The following PATJ variants were observed in gnomAD, a reference collection of about 807,000 sequenced individuals.
PATJ encodes the protein PATJ crumbs cell polarity complex component, also known as inaD-like protein.
Under a neutral mutation model 224.9 loss-of-function variants are expected in PATJ, and 190 were observed. That is an observed-to-expected ratio of 0.84 (90% confidence interval 0.75 to 0.95). The LOEUF is 0.95. PATJ is among the 40% of genes least tolerant of loss of function. PATJ has a pLI of 0.00. For synonymous variants in PATJ, 769 were observed against 820.3 expected, an observed-to-expected ratio of 0.94 and a Z score of 1.07; for missense variants, 2,121 against 2,270.3, an observed-to-expected ratio of 0.93 and a Z score of 1.34.
chr1:62,117,076 T>C, intron 36 of PATJ, 56 bp from the exon 37 acceptor site: 2 of 1,417,476 alleles, frequency 1.4e-6, no homozygotes, highest in Non-Finnish European at 9.9e-7. Flanking sequence ...TGTTAAGATA[T>C]TTCAGAATAT....
rs1663642407 is a variant in PATJ at position 61,856,246 on chromosome 1, G to A, written c.2322+7G>A. On this transcript the variant is annotated splice_region_variant and intron_variant, in intron 18 of 43. Transcript: ENST00000642238. ...CATCTGTAAGCCTTTGGTGGTAAGTGTTGTATTTTGTTAATATAGGAAGTG... is the reference window on the plus strand; with the variant it reads ...CATCTGTAAGCCTTTGGTGGTAAGTATTGTATTTTGTTAATATAGGAAGTG... 1.9e-6 allele frequency: 3 copies of A among 1,606,198 alleles called. No individual in the cohort carries two copies. In the East Asian group the frequency reaches 6.7e-5, roughly 36 times the overall value.
intron 27 of PATJ, among the ~76,000 whole-genome samples, chr1:61,988,138 G>T (rs1210466153): frequency 6.6e-6 from 1 of 152,148 alleles, no homozygotes; most frequent in Non-Finnish European, 1.5e-5. Flanking sequence ...GGTGGAGGTT[G>T]CCCTGACCCA....
chr1:62,064,048 G>A (rs747552488), intron 31 of PATJ, among the ~76,000 whole-genome samples: 6 of 152,186 alleles, frequency 3.9e-5, no homozygotes, highest in Non-Finnish European at 7.3e-5. Flanking sequence ...TTGAATAGGA[G>A]TGGTGAGAGT....
At chr1:61,997,318 C>T (rs533472110) in intron 28 of PATJ, among the ~76,000 whole-genome samples, 5 of 152,166 alleles carry the variant, frequency 3.3e-5, no homozygotes, top group African/African-American at 9.7e-5. Flanking sequence ...ATCTGCAACC[C>T]GGTTCACAAC....
rs533766556 is a variant in PATJ, at chr1:62,045,039, G to A, written c.4033-5927G>A. On this transcript the variant is annotated intron_variant, in intron 30 of 43. Transcript: ENST00000642238. The stretch of plus-strand genomic sequence containing the variant: ...TCAAGACCAGCCTGGCCAACATGGC[G>A]AAACCCCGTCTCTACTAAAAAAAAT... Among the ~76,000 whole-genome samples the A allele has an allele frequency of 4.7e-3, 722 of 152,140 alleles. 8 individuals carry two copies. Among genetic ancestry groups the A allele is most frequent in the African/African-American group, 0.017 (693 of 41,518 alleles).
intron 27 of PATJ, among the ~76,000 whole-genome samples, chr1:61,955,938 TTAC>T (rs1293172554): frequency 6.6e-6 from 1 of 152,232 alleles, no homozygotes; most frequent in Non-Finnish European, 1.5e-5. Context: ...ATAATTGGAA[TTAC>T]TCCAAAAAGC....
At chr1:62,129,254 G>T in intron 41 of PATJ, among the ~76,000 whole-genome samples, 1 of 152,162 alleles carries the variant, frequency 6.6e-6, no homozygotes. Flanking sequence ...AATAAGAAAT[G>T]ATTTCTTTTC....
intron 17 of PATJ, among the ~76,000 whole-genome samples, chr1:61,842,405 C>T (rs190814569): frequency 1.8e-4 from 27 of 152,262 alleles, no homozygotes; most frequent in Admixed American, 1.7e-3. Flanking sequence ...AAGAGAATAA[C>T]AGGCAAGCAG....
intron 27 of PATJ, among the ~76,000 whole-genome samples, chr1:61,979,437 G>A (rs926462241): frequency 1.3e-4 from 20 of 151,946 alleles, no homozygotes; most frequent in Admixed American, 9.2e-4. Context: ...GGCAGATCAC[G>A]AGGTCAGGAG....
chr1:61,906,572 T>G (rs1671889418), intron 24 of PATJ, among the ~76,000 whole-genome samples: 1 of 152,216 alleles, frequency 6.6e-6, no homozygotes, highest in Non-Finnish European at 1.5e-5. Flanking sequence ...CACACACATC[T>G]ATGTCCTCAG....
chr1:61,769,553 A>T, intron 5 of PATJ, 131 bp downstream of exon 5: 1 of 1,035,190 alleles, frequency 9.7e-7, no homozygotes, highest in Non-Finnish European at 1.4e-6. Flanking sequence ...CGTTTTTGCT[A>T]TGCATTTGTC....
In PATJ at chr1:61,856,103, G is replaced by T. The variant is rs1234496390; in HGVS notation, c.2186G>T (p.Gly729Val). Reference protein sequence around the residue: ...LVADGVAERSGGLLPGDRLVS... With the variant: ...LVADGVAERSVGLLPGDRLVS... ...GCAGATGGTGTAGCAGAAAGAAGTG[G>T]GGGACTATTACCTGGAGACCGCCTG... Residue 729 changes from glycine to valine, a missense_variant, in exon 18 of 44, where the codon GGG (glycine) becomes GTG (valine). Transcript: ENST00000642238. The T allele has an allele frequency of 6.2e-7, 1 of 1,613,938 alleles. No homozygotes were observed. The highest frequency in any genetic ancestry group is 8.5e-7 in the Non-Finnish European group (1 of 1,179,952).
Position 61,962,797 on chromosome 1 carries a change from T to C in PATJ, c.3671-27371T>C, listed in dbSNP as rs572297358. On this transcript the variant is annotated intron_variant, in intron 27 of 43. Transcript: ENST00000642238. ...GTCTGAGACCTGGGCTTCTTTCATATTGTTGCTTTCCTATGTGTGACCTCC... is the reference window on the plus strand; with the variant it reads ...GTCTGAGACCTGGGCTTCTTTCATACTGTTGCTTTCCTATGTGTGACCTCC... Among the ~76,000 whole-genome samples, 12 of 152,290 alleles carry C rather than the reference T, an allele frequency of 7.9e-5. No homozygotes were observed. The South Asian group carries it at 1.5e-3, about 18-fold the overall frequency.
chr1:62,018,404 G>T lies in PATJ; in HGVS notation c.3959+457G>T, dbSNP rs1646900635. 6.6e-6 allele frequency among the ~76,000 whole-genome samples: 1 copy of T among 152,204 alleles called. No individual in the cohort carries two copies. The highest frequency in any genetic ancestry group is 1.5e-5 in the Non-Finnish European group (1 of 68,030). The stretch of plus-strand genomic sequence containing the variant: ...AGTAGAGAAGATGTTCAGCACTGCT[G>T]CCTAGAGTTGTGTTGTGTGTTTGGG... On this transcript the variant is annotated intron_variant, in intron 29 of 43. Transcript: ENST00000642238. The surrounding 1 kb of genome is among the most constrained non-coding windows in gnomAD (Gnocchi z 4.2).
chr1:61,817,980 C>T (rs938966900), intron 14 of PATJ, among the ~76,000 whole-genome samples: 22 of 152,012 alleles, frequency 1.4e-4, no homozygotes, highest in Non-Finnish European at 1.9e-4. Context: ...TTGGAAAATC[C>T]TTCCCCATCC....
chr1:62,106,831 A>G (rs1325212100), intron 33 of PATJ, among the ~76,000 whole-genome samples: 1 of 152,054 alleles, frequency 6.6e-6, no homozygotes, highest in Non-Finnish European at 1.5e-5. Context: ...CTGGGGTCCT[A>G]TAGGTGTCAG....
intron 22 of PATJ, among the ~76,000 whole-genome samples, chr1:61,889,192 C>T (rs889278944): frequency 2.6e-5 from 4 of 152,142 alleles, no homozygotes; most frequent in South Asian, 2.1e-4. Flanking sequence ...TTTTTGTGTA[C>T]GACCCAGCAG....
chr1:61,991,072 C>G (rs1229156580), intron 28 of PATJ, among the ~76,000 whole-genome samples: 2 of 152,016 alleles, frequency 1.3e-5, no homozygotes, highest in African/African-American at 4.8e-5. Flanking sequence ...CTATTAGGAC[C>G]AGAAACAGAA....
chr1:61,887,143 G>C (rs368906215), intron 22 of PATJ, among the ~76,000 whole-genome samples: 30 of 151,944 alleles, frequency 2.0e-4, no homozygotes, highest in African/African-American at 7.2e-4. Context: ...AATTTTCTTT[G>C]CTTGTGGAAT....
Sources: allele counts gnomAD v4.1 joint callset (sites outside exome capture counted in the v4.1 genomes callset), GRCh38; gene constraint gnomAD v4.1.1; non-coding constraint Gnocchi (gnomAD v3.1); transcripts MANE v1.5; gene names NCBI Gene and HGNC (gene_info 2026-07-23, HGNC 2026-07-21).